The following SEPTIN7 variants were observed in gnomAD, a reference collection of about 807,000 sequenced individuals.
The protein encoded by SEPTIN7 is septin 7, also known as septin-7.
In SEPTIN7, 10 loss-of-function variants were observed where a neutral mutation model predicts 63.3. The ratio of observed to expected loss-of-function variants is 0.16; its 90% CI spans 0.10 to 0.27. SEPTIN7 has a LOEUF of 0.27. SEPTIN7 is among the 10% of genes least tolerant of loss of function. The probability of loss-of-function intolerance (pLI) is 1.00; values close to 1 mark genes in which losing one functional copy is unlikely to be tolerated. For missense variants in SEPTIN7, 310 were observed against 521.0 expected (o/e 0.59, Z 3.94); for synonymous variants, 131 against 165.3 (o/e 0.79, Z 1.59).
At chr7:35,889,124 A>T (rs1185832448) in intron 10 of SEPTIN7, among the ~76,000 whole-genome samples, 1 of 152,248 alleles carries the variant, frequency 6.6e-6, no homozygotes, top group African/African-American at 2.4e-5. Context: ...GGAAATGGTC[A>T]TGGTTGGAAT....
Position 35,869,635 on chromosome 7 carries a change from T to C in SEPTIN7, c.277-3031T>C, listed in dbSNP as rs557401907. On this transcript the variant is annotated intron_variant, in intron 4 of 13. Transcript: ENST00000350320. ...TAAGTTAGGTTAGTTTATATGACAC[T>C]GTATAATAAACATTGTTTGACTTTT... 9.2e-5 allele frequency among the ~76,000 whole-genome samples: 14 copies of C among 152,346 alleles called. 1 individual carries two copies. In the East Asian group the frequency reaches 2.7e-3, roughly 29 times the overall value.
chr7:35,811,429 A>C (rs964146627), intron 1 of SEPTIN7, among the ~76,000 whole-genome samples: 3 of 152,228 alleles, frequency 2.0e-5, no homozygotes, highest in Non-Finnish European at 2.9e-5. Flanking sequence ...AAATTATTTC[A>C]ATCATTGTAA....
intron 1 of SEPTIN7, among the ~76,000 whole-genome samples, chr7:35,808,658 A>G (rs1562731566): frequency 1.3e-5 from 2 of 152,234 alleles, no homozygotes; most frequent in East Asian, 3.8e-4. Context: ...GTGCCCTAAC[A>G]TAGTAGAAGG....
chr7:35,828,129 A>G (rs1783612909), intron 1 of SEPTIN7, among the ~76,000 whole-genome samples: 1 of 152,182 alleles, frequency 6.6e-6, no homozygotes, highest in Non-Finnish European at 1.5e-5. Flanking sequence ...AATTACATGC[A>G]AATAATTGTC....
At chr7:35,824,903 GTC>G (rs1333459357) in intron 1 of SEPTIN7, among the ~76,000 whole-genome samples, 2 of 152,036 alleles carry the variant, frequency 1.3e-5, no homozygotes, top group Non-Finnish European at 2.9e-5. Flanking sequence ...CTTATACTAA[GTC>G]TTTAAAATAT....
Position 35,883,393 on chromosome 7 carries a change from A to G in SEPTIN7, c.724-498A>G, listed in dbSNP as rs139692560. ...CTGCTTAGGTATTTCTGGGAGCCAC[A>G]GAATTGTGAAGGGCTGAACATGGAT... On this transcript the variant is annotated intron_variant, in intron 8 of 13. Coordinates refer to ENST00000350320, the MANE Select transcript of SEPTIN7 (RefSeq NM_001788.6). Among the ~76,000 whole-genome samples, 1,283 of 152,266 alleles carry G rather than the reference A, an allele frequency of 8.4e-3. 24 individuals are homozygous for G. The highest frequency in any genetic ancestry group is 0.029 in the African/African-American group (1,218 of 41,562).
chr7:35,820,542 T>A (rs887873836), intron 1 of SEPTIN7, among the ~76,000 whole-genome samples: 2 of 152,288 alleles, frequency 1.3e-5, no homozygotes, highest in Middle Eastern at 3.4e-3. Context: ...ATACTTTTAT[T>A]TATTATATTT....
intron 1 of SEPTIN7, among the ~76,000 whole-genome samples, chr7:35,802,494 T>A (rs1788058706): frequency 6.6e-6 from 1 of 152,242 alleles, no homozygotes; most frequent in African/African-American, 2.4e-5. Flanking sequence ...TTTATTTTGA[T>A]GAAAGGAAAA....
Position 35,906,392 on chromosome 7 carries a change from A to C in SEPTIN7, c.*2099A>C, listed in dbSNP as rs1788609815. On this transcript the variant is annotated 3_prime_UTR_variant, in exon 14 of 14. Coordinates refer to ENST00000350320, the MANE Select transcript of SEPTIN7 (RefSeq NM_001788.6). ...GGTATATCAGAAGGTTCTTTTTGCCATTTGGCCTGTGGATGTCTGAGAAGA... is the reference window on the plus strand; with the variant it reads ...GGTATATCAGAAGGTTCTTTTTGCCCTTTGGCCTGTGGATGTCTGAGAAGA... 6.6e-6 allele frequency: 1 copy of C among 152,164 alleles called. No individual in the cohort carries two copies. The highest frequency in any genetic ancestry group is 2.4e-5 in the African/African-American group (1 of 41,438). 9.4% of individuals were successfully genotyped at this position (152,164 alleles called of 1,614,324 possible).
At chr7:35,880,421 CTT>C (rs1786807093) in intron 7 of SEPTIN7, among the ~76,000 whole-genome samples, 1 of 151,444 alleles carries the variant, frequency 6.6e-6, no homozygotes. Context: ...ATTTTGAAAA[CTT>C]TTTTGGAATG....
chr7:35,881,057 CTTTG>C (rs1338832736), intron 7 of SEPTIN7, among the ~76,000 whole-genome samples: 3 of 151,850 alleles, frequency 2.0e-5, no homozygotes, highest in African/African-American at 7.2e-5. Context: ...TAACAAAATA[CTTTG>C]TTTTTCACCT....
At chr7:35,801,988 T>A (rs1417236113) in intron 1 of SEPTIN7, among the ~76,000 whole-genome samples, 1 of 151,924 alleles carries the variant, frequency 6.6e-6, no homozygotes, top group Non-Finnish European at 1.5e-5. Flanking sequence ...ATCGGTAGTT[T>A]GGTTTGGAAT....
chr7:35,879,691 C>T, intron 6 of SEPTIN7, 132 bp from the exon 7 acceptor site: 2 of 633,976 alleles, frequency 3.2e-6, no homozygotes, highest in East Asian at 5.8e-5. Context: ...TTTTGCTGGC[C>T]TAATACATCT....
chr7:35,804,665 A>G (rs1313129239), intron 1 of SEPTIN7, among the ~76,000 whole-genome samples: 3 of 152,202 alleles, frequency 2.0e-5, no homozygotes, highest in Non-Finnish European at 4.4e-5. Context: ...TGTTAACAAT[A>G]CGGTACATTG....
At chr7:35,873,952 T>C (rs3801336) in intron 6 of SEPTIN7, 177 bp downstream of exon 6, 174,411 of 540,140 alleles carry the variant, frequency 0.32, 28,986 homozygotes, top group East Asian at 0.44. Flanking sequence ...CTATATAAGC[T>C]AACAGTGATT....
chr7:35,895,860 G>A (rs1787929698), intron 11 of SEPTIN7, among the ~76,000 whole-genome samples: 1 of 152,148 alleles, frequency 6.6e-6, no homozygotes. Context: ...AGCCAGGCTG[G>A]AGTACAGTGG....
At chr7:35,810,201 T>C (rs1260917386) in intron 1 of SEPTIN7, among the ~76,000 whole-genome samples, 1 of 152,192 alleles carries the variant, frequency 6.6e-6, no homozygotes, top group Non-Finnish European at 1.5e-5. Context: ...TGAATTTTTA[T>C]GTTTAGTAAG....
At position 35,904,402 on chromosome 7, in the gene SEPTIN7, G is replaced by T; in HGVS notation, c.*109G>T. 2.6e-6 allele frequency: 2 copies of T among 772,872 alleles called. No individual in the cohort carries two copies. Among genetic ancestry groups the T allele is most frequent in the South Asian group, 2.7e-5 (1 of 37,660 alleles). The allele number at this position is 772,872 out of a possible 1,614,324, so 47.9% of individuals were successfully genotyped here. Reference sequence around the variant, plus strand: ...TTGCACCAGTTTTATCCATAATGATGGATTTAACAGCATGACAAAAATTAT... The same window carrying T: ...TTGCACCAGTTTTATCCATAATGATTGATTTAACAGCATGACAAAAATTAT... On this transcript the variant is annotated 3_prime_UTR_variant, in exon 14 of 14. Coordinates refer to ENST00000350320, the MANE Select transcript of SEPTIN7 (RefSeq NM_001788.6).
At chr7:35,841,061 A>T (rs964205566) in intron 3 of SEPTIN7, among the ~76,000 whole-genome samples, 6 of 152,146 alleles carry the variant, frequency 3.9e-5, no homozygotes, top group African/African-American at 1.4e-4. Context: ...AGTCTTACAG[A>T]TTGCAGTCTA....
Sources: gnomAD v4.1 joint callset for allele counts (sites outside exome capture counted in the v4.1 genomes callset) on GRCh38, gnomAD v4.1.1 for gene constraint, MANE v1.5 for transcripts, NCBI Gene and HGNC (gene_info 2026-07-23, HGNC 2026-07-21) for gene names.